Variants in CRYBG3 observed in about 807,000 individuals in gnomAD.
CRYBG3 encodes the protein very large A-kinase anchor protein.
Under a neutral mutation model 244.2 loss-of-function variants are expected in CRYBG3, and 127 were observed. That is an observed-to-expected ratio of 0.52 (90% CI 0.45 to 0.60). The LOEUF is 0.60. CRYBG3 is among the 20% of genes least tolerant of loss of function. The pLI is 0.00. For synonymous variants in CRYBG3, 1,132 were observed against 1,195.8 expected (o/e 0.95, Z 1.10); for missense variants, 3,325 against 3,442.5 (o/e 0.97, Z 0.85).
rs2039426927 is a variant in CRYBG3, at chr3:97,880,057, T to C, written c.6961T>C (p.Trp2321Arg). 1.2e-6 allele frequency: 2 copies of C among 1,601,408 alleles called. No homozygotes were observed. The highest frequency in any genetic ancestry group is 1.7e-6 in the Non-Finnish European group (2 of 1,171,998). Residue 2321 changes from tryptophan (W) to arginine (R), a missense_variant, in exon 6 of 22, where the codon TGG becomes CGG. Around this residue, in one of 4 missense-constraint regions of CRYBG3, gnomAD observed 714 missense variants for 803.6 expected, o/e 0.89. Coordinates refer to ENST00000389622, the MANE Select transcript of CRYBG3 (RefSeq NM_153605.4). ...VYCNIPDATS[W>R]SFPNGVLIKV... is the part of the protein sequence containing the mutation. ...CTGTAATATTCCTGATGCTACATCA[T>C]GGTCTTTTCCAAATGGAGTTCTAAT...
In CRYBG3 at chr3:97,898,869, C is replaced by G. The variant is rs751987518; in HGVS notation, c.7702-14C>G. On this transcript the variant is annotated splice_polypyrimidine_tract_variant and intron_variant, in intron 12 of 21. Transcript: ENST00000389622. ...TATGTATGTTTTCCTAAACTTTCCTCTTTCTCCTTTTAGAATTTTATAGAA... is the reference window on the plus strand; with the variant it reads ...TATGTATGTTTTCCTAAACTTTCCTGTTTCTCCTTTTAGAATTTTATAGAA... 7.0e-6 allele frequency: 11 copies of G among 1,566,702 alleles called. No homozygotes were observed. In the South Asian group the frequency reaches 1.3e-4, roughly 19 times the overall value.
At chr3:97,926,958 G>GA (rs2040047625) in intron 17 of CRYBG3, among the ~76,000 whole-genome samples, 1 of 151,954 alleles carries the variant, frequency 6.6e-6, no homozygotes. Context: ...TCATGGATAG[G>GA]AAAAATCAAT....
At chr3:97,939,788 T>C (rs2040205303) in intron 19 of CRYBG3, among the ~76,000 whole-genome samples, 2 of 152,054 alleles carry the variant, frequency 1.3e-5, no homozygotes, top group Non-Finnish European at 2.9e-5. Context: ...ATGTTGGAAG[T>C]AGGGATTTGA....
chr3:97,834,978 C>T (rs2038711880), intron 1 of CRYBG3, among the ~76,000 whole-genome samples: 1 of 152,082 alleles, frequency 6.6e-6, no homozygotes, highest in Non-Finnish European at 1.5e-5. Flanking sequence ...ATATATCATT[C>T]TTTCAAATGA....
rs2039637083 is a variant in CRYBG3, at chr3:97,896,082, A to G, written c.7698A>G (p.Gln2566=). Residue 2566 remains glutamine, a synonymous_variant, in exon 12 of 22, where the codon CAA becomes CAG. Transcript: ENST00000389622. ...SSPILSFRYL[Q]ANFIESSVTL... ...CTATCTTGTCTTTCCGGTACTTACA[A>G]GCTGTGAGTTAGCTTCCTTATCCTT... is the stretch of plus-strand genomic sequence containing the variant. 6.2e-7 allele frequency: 1 copy of G among 1,606,742 alleles called. No individual in the cohort carries two copies. The highest frequency in any genetic ancestry group is 8.5e-7 in the Non-Finnish European group (1 of 1,177,186).
At chr3:97,918,022 T>C (rs927434622) in intron 17 of CRYBG3, among the ~76,000 whole-genome samples, 1 of 152,218 alleles carries the variant, frequency 6.6e-6, no homozygotes, top group Non-Finnish European at 1.5e-5. Context: ...CTAATACTGC[T>C]GCCTATGCCA....
chr3:97,880,377 A>G (rs1022778154), intron 6 of CRYBG3, among the ~76,000 whole-genome samples: 3 of 152,230 alleles, frequency 2.0e-5, no homozygotes, highest in African/African-American at 7.2e-5. Flanking sequence ...TATTAGCAGG[A>G]TAGATTTGGC....
rs2038550709 is a variant in CRYBG3, at chr3:97,824,349, A to C, written c.149+1994A>C. Reference sequence around the variant, plus strand: ...GCATAAAAACTTTTATCATTATGAGAGCTGGGTATACCTTCTGTAGTGATG... The same window carrying C: ...GCATAAAAACTTTTATCATTATGAGCGCTGGGTATACCTTCTGTAGTGATG... On this transcript the variant is annotated intron_variant, in intron 1 of 21. Coordinates refer to ENST00000389622, the MANE Select transcript of CRYBG3 (RefSeq NM_153605.4). Among the ~76,000 whole-genome samples, 6 of 152,308 alleles carry C rather than the reference A, an allele frequency of 3.9e-5. No individual in the cohort carries two copies. In the Middle Eastern group the frequency reaches 0.014, roughly 345 times the overall value.
At chr3:97,867,141 T>G (rs1214150723) in intron 3 of CRYBG3, 1 of 152,178 alleles carries the variant, frequency 6.6e-6, no homozygotes, top group Non-Finnish European at 1.5e-5. Context: ...GGAGAAATTG[T>G]CATTGTCTTT....
intron 15 of CRYBG3, among the ~76,000 whole-genome samples, chr3:97,908,031 T>C (rs2039799462): frequency 6.6e-6 from 1 of 152,248 alleles, no homozygotes. Context: ...GAGCAGGTTG[T>C]TCAGTTTCCA....
At chr3:97,856,039 A>G (rs147195898) in intron 2 of CRYBG3, among the ~76,000 whole-genome samples, 62 of 152,234 alleles carry the variant, frequency 4.1e-4, no homozygotes, top group African/African-American at 1.3e-3. Context: ...TGGGAGCGCT[A>G]TGGGAGACTG....
intron 1 of CRYBG3, among the ~76,000 whole-genome samples, chr3:97,834,095 C>T (rs566306528): frequency 5.3e-5 from 8 of 152,252 alleles, no homozygotes; most frequent in African/African-American, 1.7e-4. Context: ...TCCTATTGGG[C>T]CCCACCTCCA....
intron 1 of CRYBG3, among the ~76,000 whole-genome samples, chr3:97,829,129 A>G (rs988875658): frequency 6.6e-6 from 1 of 152,214 alleles, no homozygotes; most frequent in Non-Finnish European, 1.5e-5. Context: ...AGAAGGAAAA[A>G]AAAAGAAAAC....
At chr3:97,865,193 T>C (rs1412043213) in intron 3 of CRYBG3, among the ~76,000 whole-genome samples, 1 of 152,194 alleles carries the variant, frequency 6.6e-6, no homozygotes, top group Non-Finnish European at 1.5e-5. Context: ...TTCCTTTTAC[T>C]CTCAAATGAG....
chr3:97,878,075 A>G, intron 4 of CRYBG3, 38 bp downstream of exon 4: 1 of 1,517,250 alleles, frequency 6.6e-7, no homozygotes, highest in East Asian at 2.3e-5. Flanking sequence ...AATAGTTATT[A>G]AAGCTTTGGG....
intron 7 of CRYBG3, among the ~76,000 whole-genome samples, chr3:97,881,921 A>G (rs2039453715): frequency 2.6e-5 from 4 of 151,512 alleles, no homozygotes; most frequent in Admixed American, 2.6e-4. Context: ...ATAATAGTAT[A>G]GTATTGGCTG....
intron 2 of CRYBG3, among the ~76,000 whole-genome samples, chr3:97,848,308 GTTT>G (rs1169640986): frequency 1.3e-5 from 2 of 152,012 alleles, no homozygotes; most frequent in South Asian, 4.2e-4. Context: ...GTTTGTTGTT[GTTT>G]TTTTGAGATG....
chr3:97,900,513 T>C (rs746270092), intron 15 of CRYBG3, 28 bp downstream of exon 15: 4 of 1,390,572 alleles, frequency 2.9e-6, no homozygotes, highest in Admixed American at 3.5e-5. Flanking sequence ...CTTGTAATTG[T>C]TAAATTGTTT....
At chr3:97,865,619 C>T (rs1426213342) in intron 3 of CRYBG3, among the ~76,000 whole-genome samples, 1 of 152,112 alleles carries the variant, frequency 6.6e-6, no homozygotes, top group Non-Finnish European at 1.5e-5. Context: ...GTATTTGAAA[C>T]AGTGTCATAC....
Sources: allele counts gnomAD v4.1 joint callset (sites outside exome capture counted in the v4.1 genomes callset), GRCh38; gene constraint gnomAD v4.1.1; regional missense constraint gnomAD v4.1.1; transcripts MANE v1.5; gene names NCBI Gene and HGNC (gene_info 2026-07-23, HGNC 2026-07-21).